TRIO: variants seen among roughly 807,000 people sequenced by gnomAD.
The protein encoded by TRIO is triple functional domain protein.
TRIO carries 58 observed loss-of-function variants against 351.9 expected under a neutral mutation model. That is an observed-to-expected ratio of 0.16 (90% CI 0.13 to 0.21). The LOEUF is 0.21. TRIO is among the 10% of genes least tolerant of loss of function. The probability of loss-of-function intolerance (pLI) is 1.00; values close to 1 mark genes in which losing one functional copy is unlikely to be tolerated. For synonymous variants in TRIO, 1,758 were observed against 1,595.7 expected (o/e 1.10, Z -2.42); for missense variants, 3,201 against 4,027.8 (o/e 0.79, Z 5.56).
chr5:14,499,424 G>A (rs1757121645), intron 53 of TRIO, among the ~76,000 whole-genome samples: 1 of 152,252 alleles, frequency 6.6e-6, no homozygotes, highest in Non-Finnish European at 1.5e-5. Flanking sequence ...GGCCGGCCAT[G>A]CAGTACTGGG....
intron 11 of TRIO, among the ~76,000 whole-genome samples, chr5:14,350,313 G>C (rs1056798593): frequency 6.6e-6 from 1 of 152,206 alleles, no homozygotes; most frequent in Non-Finnish European, 1.5e-5. Context: ...ACCTGAGGGT[G>C]GGGGAGCAGC....
intron 8 of TRIO, among the ~76,000 whole-genome samples, chr5:14,311,026 G>A (rs984483180): frequency 5.3e-5 from 8 of 152,186 alleles, no homozygotes; most frequent in Admixed American, 3.9e-4. Context: ...ATTAAAGATC[G>A]CAGTGTTGCT....
intron 7 of TRIO, among the ~76,000 whole-genome samples, chr5:14,298,282 C>T (rs1737541177): frequency 6.6e-6 from 1 of 152,078 alleles, no homozygotes; most frequent in Non-Finnish European, 1.5e-5. Flanking sequence ...CTGAAAGTAG[C>T]AAAATGAAAG....
intron 2 of TRIO, among the ~76,000 whole-genome samples, chr5:14,275,300 G>A (rs1735393992): frequency 6.6e-6 from 1 of 152,056 alleles, no homozygotes; most frequent in African/African-American, 2.4e-5. Flanking sequence ...GAGGATGTAT[G>A]CTATTAGAAA....
chr5:14,380,336 T>TTCGCTCC (rs1189896622), intron 20 of TRIO, among the ~76,000 whole-genome samples: 6 of 141,162 alleles, frequency 4.3e-5, no homozygotes, highest in African/African-American at 1.5e-4. Flanking sequence ...CGCCTCCTCC[T>TTCGCTCC]TCGCTCCTCG....
At chr5:14,343,574 G>T (rs148401367) in intron 11 of TRIO, among the ~76,000 whole-genome samples, 4 of 152,096 alleles carry the variant, frequency 2.6e-5, no homozygotes, top group Non-Finnish European at 5.9e-5. Flanking sequence ...CCACTTTGTC[G>T]CATGTGTCTG....
At chr5:14,224,400 A>G (rs1225931335) in intron 1 of TRIO, among the ~76,000 whole-genome samples, 1 of 152,102 alleles carries the variant, frequency 6.6e-6, no homozygotes, top group Non-Finnish European at 1.5e-5. Context: ...CTTAGCTGAG[A>G]AGATGTAGTT....
At chr5:14,238,118 A>G (rs1793887994) in intron 1 of TRIO, among the ~76,000 whole-genome samples, 1 of 152,210 alleles carries the variant, frequency 6.6e-6, no homozygotes, top group Admixed American at 6.5e-5. Flanking sequence ...ATGAGAAAGT[A>G]AAGTTTATGT....
At chr5:14,341,778 C>G (rs1455188787) in intron 11 of TRIO, among the ~76,000 whole-genome samples, 1 of 152,184 alleles carries the variant, frequency 6.6e-6, no homozygotes, top group East Asian at 1.9e-4. Flanking sequence ...TGATTCAGTT[C>G]CATTGCATTG....
intron 26 of TRIO, among the ~76,000 whole-genome samples, 195 bp from the exon 27 acceptor site, chr5:14,390,706 G>A (rs1431106783): frequency 6.6e-6 from 1 of 152,162 alleles, no homozygotes; most frequent in Non-Finnish European, 1.5e-5. Flanking sequence ...GACGTGTCGG[G>A]GTCGGGGAGG....
intron 34 of TRIO, among the ~76,000 whole-genome samples, chr5:14,430,149 A>G (rs1180109494): frequency 1.3e-5 from 2 of 151,334 alleles, no homozygotes; most frequent in Non-Finnish European, 2.9e-5. Context: ...TAGGGAAAAA[A>G]TCAATATAAA....
At chr5:14,308,797 C>T (rs921064359) in intron 8 of TRIO, among the ~76,000 whole-genome samples, 4 of 152,106 alleles carry the variant, frequency 2.6e-5, no homozygotes, top group Non-Finnish European at 5.9e-5. Flanking sequence ...AACCACCCAT[C>T]CTACAGCCAT....
chr5:14,267,136 A>G (rs770457216), intron 1 of TRIO, among the ~76,000 whole-genome samples: 3 of 152,190 alleles, frequency 2.0e-5, no homozygotes, highest in East Asian at 1.9e-4. Context: ...ATGTCCCCCA[A>G]TTTGGGCCAT....
rs372071741 is a variant in TRIO, at chr5:14,461,174, G to T, written c.5359G>T (p.Gly1787Cys). The stretch of plus-strand genomic sequence containing the variant: ...CAGCCCCGTGCGGCGGCTCAGCAGC[G>T]GCAAGGCCGACGGGCACGTGAAGAA... ...LTSPVRRLSSGKADGHVKKLA... is the reference protein window; with the variant it reads ...LTSPVRRLSSCKADGHVKKLA... Residue 1787 changes from glycine (G) to cysteine (C), a missense_variant, in exon 35 of 57, where the codon GGC becomes TGC. Physicochemically the swap from Gly to Cys is radical, Grantham distance 159. Transcript: ENST00000344204. 5.1e-6 allele frequency: 8 copies of T among 1,558,866 alleles called. No homozygotes were observed. The highest frequency in any genetic ancestry group is 1.9e-5 in the Admixed American group (1 of 51,964).
At chr5:14,507,087 C>T (rs377558556) in intron 55 of TRIO, 35 bp from the exon 56 acceptor site, 322 of 1,539,766 alleles carry the variant, frequency 2.1e-4, no homozygotes, top group Non-Finnish European at 2.6e-4. Context: ...CAAAGCAAAT[C>T]GCATCATAAC....
chr5:14,408,608 G>A (rs1748920319), intron 33 of TRIO, among the ~76,000 whole-genome samples: 1 of 152,116 alleles, frequency 6.6e-6, no homozygotes, highest in African/African-American at 2.4e-5. Context: ...CACTTTGTTA[G>A]AGTAATATTG....
chr5:14,280,311 T>C lies in TRIO; in HGVS notation c.233-11T>C. ...TTGTGTCTAAGTGTATTCCTAATGT[T>C]TGTTTTTTAGGTGGGAGAGATAAAC... On this transcript the variant is annotated splice_polypyrimidine_tract_variant and intron_variant, in intron 2 of 56. Coordinates refer to ENST00000344204, the MANE Select transcript of TRIO (RefSeq NM_007118.4). 1 of 1,612,226 alleles carries C rather than the reference T, an allele frequency of 6.2e-7. No individual in the cohort carries two copies. The highest frequency in any genetic ancestry group is 2.2e-5 in the East Asian group (1 of 44,872).
intron 1 of TRIO, among the ~76,000 whole-genome samples, chr5:14,203,767 A>G (rs1451574705): frequency 1.4e-5 from 2 of 147,120 alleles, no homozygotes; most frequent in East Asian, 2.2e-4. Flanking sequence ...GCCCCTTGCT[A>G]GGTGCTGAAG....
intron 9 of TRIO, among the ~76,000 whole-genome samples, chr5:14,322,392 T>G (rs542679290): frequency 6.6e-6 from 1 of 152,278 alleles, no homozygotes; most frequent in African/African-American, 2.4e-5. Context: ...CATGGGAATT[T>G]TGGAAGTGTG....
Sources: gnomAD v4.1 joint callset for allele counts (sites outside exome capture counted in the v4.1 genomes callset) on GRCh38, gnomAD v4.1.1 for gene constraint, MANE v1.5 for transcripts, NCBI Gene and HGNC (gene_info 2026-07-23, HGNC 2026-07-21) for gene names.